SUMF1: variants seen among roughly 807,000 people sequenced by gnomAD.
SUMF1 encodes the protein sulfatase modifying factor 1.
A neutral mutation model predicts 47.6 loss-of-function variants in SUMF1; 48 were observed. That is an observed-to-expected ratio of 1.01 (90% confidence interval 0.80 to 1.28). The LOEUF (loss-of-function observed/expected upper bound fraction) is 1.28, where lower values mean the gene tolerates loss of function less well. Ranked by LOEUF, SUMF1 falls within the 50% of genes most tolerant of loss-of-function variation. The pLI is 0.00. For missense variants in SUMF1, 571 were observed against 485.4 expected, an observed-to-expected ratio of 1.18 and a Z score of -1.66; for synonymous variants, 230 against 192.1, an observed-to-expected ratio of 1.20 and a Z score of -1.63.
chr3:4,313,036 A>G, intron 8 of SUMF1: 2 of 1,613,984 alleles, frequency 1.2e-6, no homozygotes, highest in Non-Finnish European at 1.7e-6. Context: ...CTATGATGAT[A>G]ACTCATGCCT....
At chr3:4,114,939 C>T (rs1353908516) in intron 8 of SUMF1, among the ~76,000 whole-genome samples, 1 of 152,026 alleles carries the variant, frequency 6.6e-6, no homozygotes, top group Non-Finnish European at 1.5e-5. Flanking sequence ...GGTGGAGAAA[C>T]GCAGGGTCCC....
chr3:4,433,503 G>A (rs1702301417), intron 3 of SUMF1, among the ~76,000 whole-genome samples: 1 of 152,120 alleles, frequency 6.6e-6, no homozygotes, highest in Admixed American at 6.5e-5. Context: ...AGACACAAAA[G>A]ACAGTGTTAC....
intron 8 of SUMF1, among the ~76,000 whole-genome samples, chr3:4,241,188 A>G (rs17040302): frequency 0.026 from 4,005 of 152,256 alleles, 175 homozygotes; most frequent in African/African-American, 0.092. Context: ...CTCCAAATAT[A>G]TCTGTGTAAT....
intron 8 of SUMF1, among the ~76,000 whole-genome samples, chr3:4,089,458 TA>T (rs1242652013): frequency 1.3e-5 from 2 of 152,070 alleles, no homozygotes; most frequent in Non-Finnish European, 2.9e-5. Flanking sequence ...ATACTTGGTA[TA>T]AAAAAATACA....
At chr3:4,232,252 C>G (rs1242811) in intron 8 of SUMF1, among the ~76,000 whole-genome samples, 28,541 of 152,000 alleles carry the variant, frequency 0.19, 3,239 homozygotes, top group South Asian at 0.38. Flanking sequence ...CAAGGAACTC[C>G]AAGAGGCCAA....
At chr3:4,200,194 G>C (rs1489132029) in intron 8 of SUMF1, among the ~76,000 whole-genome samples, 2 of 58,136 alleles carry the variant, frequency 3.4e-5, no homozygotes, top group Non-Finnish European at 3.4e-5. Context: ...TTTTTTTTTT[G>C]CGTATGGCTA....
chr3:4,054,327 A>G (rs1695158817), intron 9 of SUMF1, among the ~76,000 whole-genome samples: 1 of 152,220 alleles, frequency 6.6e-6, no homozygotes, highest in Non-Finnish European at 1.5e-5. Flanking sequence ...GAATGATAAA[A>G]TCTTTTGAAA....
At chr3:4,250,703 C>A (rs774527396) in intron 8 of SUMF1, among the ~76,000 whole-genome samples, 2 of 152,106 alleles carry the variant, frequency 1.3e-5, no homozygotes, top group African/African-American at 2.4e-5. Flanking sequence ...TTCTGAAAAT[C>A]TTAGGGCCCT....
At chr3:4,252,378 A>ACACACACC (rs138232038) in intron 8 of SUMF1, among the ~76,000 whole-genome samples, 85 of 150,452 alleles carry the variant, frequency 5.6e-4, no homozygotes, top group African/African-American at 1.9e-3. Context: ...ACACACACAC[A>ACACACACC]CCCCACTGGC....
chr3:4,415,171 G>A (rs1701669592), intron 6 of SUMF1, among the ~76,000 whole-genome samples: 2 of 145,220 alleles, frequency 1.4e-5, no homozygotes, highest in African/African-American at 5.2e-5. Flanking sequence ...AGGTTGGAGT[G>A]AGCCACGATC....
At chr3:4,135,185 G>C (rs1319408141) in intron 8 of SUMF1, among the ~76,000 whole-genome samples, 1 of 152,066 alleles carries the variant, frequency 6.6e-6, no homozygotes, top group Non-Finnish European at 1.5e-5. Flanking sequence ...AGAAAATTTA[G>C]ACCAATATCC....
intron 8 of SUMF1, among the ~76,000 whole-genome samples, chr3:4,252,775 C>T (rs975121410): frequency 6.6e-6 from 1 of 151,918 alleles, no homozygotes; most frequent in Non-Finnish European, 1.5e-5. Flanking sequence ...AGAACTTTAC[C>T]TCCAAGAAAA....
At chr3:4,229,358 G>A in intron 8 of SUMF1, 1 of 413,450 alleles carries the variant, frequency 2.4e-6, no homozygotes, top group South Asian at 1.7e-5. Context: ...TCTTATAAAT[G>A]TCCACAGCCC....
At chr3:4,461,975 C>G (rs576654229) in intron 1 of SUMF1, among the ~76,000 whole-genome samples, 1 of 152,338 alleles carries the variant, frequency 6.6e-6, no homozygotes, top group African/African-American at 2.4e-5. Context: ...CACTGCCACT[C>G]AAGCCAGAAG....
At chr3:4,055,392 T>C (rs1191322551) in intron 9 of SUMF1, among the ~76,000 whole-genome samples, 1 of 152,172 alleles carries the variant, frequency 6.6e-6, no homozygotes, top group Non-Finnish European at 1.5e-5. Context: ...ATATACCAGG[T>C]ATATTAGTTT....
intron 8 of SUMF1, among the ~76,000 whole-genome samples, chr3:4,208,457 C>T (rs1400133876): frequency 1.8e-5 from 2 of 111,874 alleles, no homozygotes; most frequent in African/African-American, 3.6e-5. Context: ...ATTTATAGGA[C>T]ATTCTAGAAG....
intron 8 of SUMF1, among the ~76,000 whole-genome samples, chr3:4,348,211 G>A (rs372074845): frequency 1.8e-4 from 27 of 152,204 alleles, no homozygotes; most frequent in African/African-American, 6.3e-4. Context: ...AAAGAGCCTG[G>A]ATAGCCAAGA....
chr3:4,276,159 C>T (rs946686196), intron 8 of SUMF1, among the ~76,000 whole-genome samples: 1 of 152,056 alleles, frequency 6.6e-6, no homozygotes, highest in Non-Finnish European at 1.5e-5. Flanking sequence ...CAGCATCATT[C>T]TCTGATAAGA....
At chr3:4,305,492 A>G (rs189470036) in intron 8 of SUMF1, among the ~76,000 whole-genome samples, 178 of 152,312 alleles carry the variant, frequency 1.2e-3, no homozygotes, top group South Asian at 2.5e-3. Context: ...CCTCGGTCTT[A>G]GTTGATTATC....
Sources: allele counts gnomAD v4.1 joint callset (sites outside exome capture counted in the v4.1 genomes callset), GRCh38; gene constraint gnomAD v4.1.1; transcripts MANE v1.5; gene names NCBI Gene and HGNC (gene_info 2026-07-23, HGNC 2026-07-21).